IL16: variants seen among roughly 807,000 people sequenced by gnomAD.
IL16 encodes the protein interleukin 16.
Under a neutral mutation model 110.1 loss-of-function variants are expected in IL16, and 67 were observed. The ratio of observed to expected loss-of-function variants is 0.61; its 90% CI spans 0.50 to 0.75. The LOEUF is 0.75. IL16 is among the 30% of genes least tolerant of loss of function. The pLI is 0.00. For synonymous variants in IL16, 689 were observed against 662.9 expected (o/e 1.04, Z -0.61); for missense variants, 1,545 against 1,655.0 (o/e 0.93, Z 1.15).
At position 81,313,240 on chromosome 15, in the gene IL16, A is replaced by G. The variant is rs778475073; in HGVS notation, c.*4442A>G. 6.5e-7 allele frequency: 1 copy of G among 1,531,984 alleles called. No homozygotes were observed. Among genetic ancestry groups the G allele is most frequent in the Non-Finnish European group, 8.8e-7 (1 of 1,135,834 alleles). 94.9% of individuals were successfully genotyped at this position (1,531,984 alleles called of 1,614,324 possible). A position where few individuals can be genotyped will look rare whatever the true frequency, so the allele number is the denominator to read the frequency against. On this transcript the variant is annotated 3_prime_UTR_variant, in exon 19 of 19. Coordinates refer to ENST00000683961, the MANE Select transcript of IL16 (RefSeq NM_172217.5). ...GATGAGTCACGGGAGTTCTTTGCCA[A>G]GAAGTAACGATAGCATTACTCATGG...
At chr15:81,234,846 A>T (rs968941623) in intron 2 of IL16, among the ~76,000 whole-genome samples, 2 of 152,204 alleles carry the variant, frequency 1.3e-5, no homozygotes, top group Non-Finnish European at 2.9e-5. Flanking sequence ...TACATGTTCT[A>T]CCTTCCTACC....
At chr15:81,239,771 CTTTG>C (rs71153570) in intron 2 of IL16, among the ~76,000 whole-genome samples, 108 of 150,654 alleles carry the variant, frequency 7.2e-4, no homozygotes, top group East Asian at 5.5e-3. Context: ...ACAGGCTTGT[CTTTG>C]TTTGTTTGTT....
chr15:81,289,675 T>C (rs1899616646), intron 10 of IL16, among the ~76,000 whole-genome samples: 1 of 152,204 alleles, frequency 6.6e-6, no homozygotes, highest in Non-Finnish European at 1.5e-5. Flanking sequence ...TTATATAATC[T>C]GCAACTCAAC....
intron 11 of IL16, among the ~76,000 whole-genome samples, chr15:81,290,795 C>A (rs1899678685): frequency 6.6e-6 from 1 of 152,178 alleles, no homozygotes; most frequent in South Asian, 2.1e-4. Flanking sequence ...CTCTCCAGCT[C>A]CCGGTGGTCT....
At chr15:81,244,307 TTC>T (rs1897458261) in intron 2 of IL16, among the ~76,000 whole-genome samples, 1 of 152,028 alleles carries the variant, frequency 6.6e-6, no homozygotes, top group African/African-American at 2.4e-5. Context: ...CGTTTTAAGA[TTC>T]TTTTTGTTTG....
intron 2 of IL16, among the ~76,000 whole-genome samples, chr15:81,250,704 A>G (rs1488704673): frequency 2.6e-5 from 4 of 152,172 alleles, no homozygotes; most frequent in Non-Finnish European, 5.9e-5. Flanking sequence ...AGATGTCCAT[A>G]TGTATTAATT....
chr15:81,276,264 A>G (rs1898903173), intron 6 of IL16, among the ~76,000 whole-genome samples: 3 of 152,228 alleles, frequency 2.0e-5, no homozygotes, highest in South Asian at 2.1e-4. Flanking sequence ...CCTGTTTCCA[A>G]TACGTAGACT....
intron 13 of IL16, among the ~76,000 whole-genome samples, chr15:81,297,320 C>T (rs1900038187): frequency 6.6e-6 from 1 of 152,030 alleles, no homozygotes. Context: ...GAATGCAGGC[C>T]ATTCTGGATA....
chr15:81,301,846 G>T (rs1900304514), intron 15 of IL16, among the ~76,000 whole-genome samples: 1 of 152,234 alleles, frequency 6.6e-6, no homozygotes, highest in African/African-American at 2.4e-5. Context: ...TCCATGTGCT[G>T]CTGTCCTGGC....
chr15:81,283,056 C>T (rs182972587), intron 9 of IL16, among the ~76,000 whole-genome samples: 1 of 152,190 alleles, frequency 6.6e-6, no homozygotes, highest in Non-Finnish European at 1.5e-5. Context: ...GCTGGCTGAG[C>T]CCCCAGGGCT....
intron 6 of IL16, among the ~76,000 whole-genome samples, chr15:81,276,305 A>G (rs1898904831): frequency 6.6e-6 from 1 of 151,612 alleles, no homozygotes; most frequent in African/African-American, 2.4e-5. Context: ...CCAAAATCAA[A>G]ATAAAGACGT....
intron 1 of IL16, among the ~76,000 whole-genome samples, chr15:81,212,724 A>G (rs1217083533): frequency 1.3e-5 from 2 of 152,108 alleles, no homozygotes; most frequent in African/African-American, 4.8e-5. Flanking sequence ...TGCCTGCCTC[A>G]GCCTCCAAAA....
chr15:81,271,926 C>T (rs968810938), intron 5 of IL16, among the ~76,000 whole-genome samples: 3 of 152,200 alleles, frequency 2.0e-5, no homozygotes, highest in East Asian at 1.9e-4. Flanking sequence ...ATCAGCGCAG[C>T]GGCTCTGGCC....
chr15:81,218,839 C>T (rs754759067), intron 1 of IL16, among the ~76,000 whole-genome samples: 12 of 152,026 alleles, frequency 7.9e-5, no homozygotes, highest in Non-Finnish European at 1.3e-4. Flanking sequence ...GCATGGTATT[C>T]CATCATACAA....
chr15:81,225,595 A>T lies in IL16; in HGVS notation c.196A>T (p.Thr66Ser). 1.2e-6 allele frequency: 2 copies of T among 1,614,092 alleles called. No homozygotes were observed. Among genetic ancestry groups the T allele is most frequent in the Non-Finnish European group, 1.7e-6 (2 of 1,179,996 alleles). Residue 66 changes from threonine (T) to serine (S), a missense_variant, in exon 2 of 19, where the codon ACA becomes TCA. Coordinates refer to ENST00000683961, the MANE Select transcript of IL16 (RefSeq NM_172217.5). ...CCACTCATCTGTGCAGCTGGCAGAC[A>T]CATCGGAGGCTGGGCCCAGCAGTGT... ...IFHSSVQLADTSEAGPSSVPD... is the reference protein window; with the variant it reads ...IFHSSVQLADSSEAGPSSVPD...
At chr15:81,225,190 T>C (rs1704616077) in intron 1 of IL16, 109 bp from the exon 2 acceptor site, 3 of 854,492 alleles carry the variant, frequency 3.5e-6, no homozygotes, top group Admixed American at 5.8e-5. Context: ...TGCCCATCTG[T>C]CCTGCTTCAC....
intron 3 of IL16, among the ~76,000 whole-genome samples, chr15:81,261,360 C>G (rs960194574): frequency 1.3e-5 from 2 of 152,170 alleles, no homozygotes; most frequent in African/African-American, 2.4e-5. Flanking sequence ...CTCCCTGGCT[C>G]CCTGGCATCC....
intron 2 of IL16, among the ~76,000 whole-genome samples, chr15:81,248,701 G>GATTTTTT (rs1198941395): frequency 3.0e-5 from 4 of 131,944 alleles, no homozygotes; most frequent in Non-Finnish European, 4.9e-5. Flanking sequence ...CTATTTCTGT[G>GATTTTTT]ATTTTTTTTC....
chr15:81,243,980 C>A (rs1033535141), intron 2 of IL16, among the ~76,000 whole-genome samples: 6 of 151,958 alleles, frequency 3.9e-5, no homozygotes, highest in African/African-American at 1.5e-4. Flanking sequence ...AGGTTTGTTT[C>A]ATTGATTGTC....
Sources: allele counts gnomAD v4.1 joint callset (sites outside exome capture counted in the v4.1 genomes callset), GRCh38; gene constraint gnomAD v4.1.1; transcripts MANE v1.5; gene names NCBI Gene and HGNC (gene_info 2026-07-23, HGNC 2026-07-21).